Variants in TEN1 observed in about 807,000 individuals in gnomAD.
TEN1 encodes CST complex subunit TEN1.
A neutral mutation model predicts 9.3 loss-of-function variants in TEN1; 6 were observed. That is an observed-to-expected ratio of 0.65 (90% confidence interval 0.35 to 1.27). The LOEUF (loss-of-function observed/expected upper bound fraction) is 1.27, where lower values mean the gene tolerates loss of function less well. Among genes scored for constraint, TEN1 ranks in the 50% most tolerant of loss-of-function variants. The pLI is 0.03. For missense variants in TEN1, 149 were observed against 158.2 expected, an observed-to-expected ratio of 0.94 and a Z score of 0.31; for synonymous variants, 65 against 65.6, an observed-to-expected ratio of 0.99 and a Z score of 0.04.
intron 3 of TEN1, among the ~76,000 whole-genome samples, chr17:75,992,097 A>G (rs907364688): frequency 4.0e-5 from 6 of 150,894 alleles, no homozygotes; most frequent in African/African-American, 9.8e-5. Context: ...ACAATCCCCC[A>G]TGGGGAAGTG....
chr17:76,000,332 A>G lies in TEN1; in HGVS notation c.*70A>G. 1.3e-6 allele frequency: 2 copies of G among 1,500,040 alleles called. No homozygotes were observed. The highest frequency in any genetic ancestry group is 2.6e-5 in the South Asian group (2 of 77,918). 92.9% of individuals were successfully genotyped at this position (1,500,040 alleles called of 1,614,324 possible). ...CCCTCTGGAGCTGCAGGAGCCCGGG[A>G]GAGCACAGACGCCTCCCCAGCGACG... On this transcript the variant is annotated 3_prime_UTR_variant, in exon 4 of 4. Coordinates refer to ENST00000397640, the MANE Select transcript of TEN1 (RefSeq NM_001113324.3). This position sits in a 1 kb window ranked among gnomAD's most constrained non-coding sequence, Gnocchi z 5.9.
At chr17:75,999,009 T>C (rs1488641365) in intron 3 of TEN1, among the ~76,000 whole-genome samples, 1 of 152,086 alleles carries the variant, frequency 6.6e-6, no homozygotes, top group African/African-American at 2.4e-5. Context: ...TTTTTAACTT[T>C]TTTTTTTCTC....
At chr17:75,985,869 C>CA (rs199681028) in intron 1 of TEN1, among the ~76,000 whole-genome samples, 5,331 of 108,178 alleles carry the variant, frequency 0.049, 151 homozygotes, top group East Asian at 0.15. Context: ...TATATTATAT[C>CA]AAAAAAATTT....
chr17:75,992,338 C>G (rs2066191215), intron 3 of TEN1, among the ~76,000 whole-genome samples: 1 of 151,478 alleles, frequency 6.6e-6, no homozygotes, highest in Admixed American at 6.6e-5. Context: ...TCATGAGGCT[C>G]CCACCTCAGC....
intron 1 of TEN1, among the ~76,000 whole-genome samples, chr17:75,981,600 T>TTG (rs928261291): frequency 4.0e-5 from 6 of 151,570 alleles, no homozygotes; most frequent in African/African-American, 1.4e-4. Context: ...CAAGTTGTTT[T>TTG]TTTTTTTTTT....
intron 3 of TEN1, among the ~76,000 whole-genome samples, chr17:75,995,708 C>A (rs1026837999): frequency 6.6e-6 from 1 of 152,182 alleles, no homozygotes; most frequent in Non-Finnish European, 1.5e-5. Flanking sequence ...GGGCACTGGA[C>A]CACAGCAAAC....
intron 2 of TEN1, 34 bp downstream of exon 2, chr17:75,986,318 G>T: frequency 6.7e-7 from 1 of 1,498,956 alleles, no homozygotes. Context: ...TGGTGGGGGT[G>T]ATGATATGTT....
rs74844461 is a variant in TEN1 at position 75,986,292 on chromosome 17, C to T, written c.92+8C>T. On this transcript the variant is annotated splice_region_variant and intron_variant, in intron 2 of 3. Transcript: ENST00000397640. Reference sequence around the variant, plus strand: ...GCTGAGAACATTTGGCAGGTGAGAACGGTTATTTTTTTCACTGGTGGGGGT... The same window carrying T: ...GCTGAGAACATTTGGCAGGTGAGAATGGTTATTTTTTTCACTGGTGGGGGT... 5,782 of 1,542,108 alleles carry T rather than the reference C, an allele frequency of 3.7e-3. 24 individuals are homozygous for T. Among genetic ancestry groups the T allele is most frequent in the African/African-American group, 0.016 (1,185 of 72,640 alleles).
intron 1 of TEN1, among the ~76,000 whole-genome samples, chr17:75,981,919 C>T (rs753675531): frequency 6.6e-6 from 1 of 152,002 alleles, no homozygotes; most frequent in Non-Finnish European, 1.5e-5. Context: ...CCCGGCTACT[C>T]GGGAGTCTGA....
At chr17:75,980,112 G>GT (rs2066106033) in intron 1 of TEN1, among the ~76,000 whole-genome samples, 3 of 152,106 alleles carry the variant, frequency 2.0e-5, no homozygotes, top group South Asian at 4.1e-4. Flanking sequence ...CGAGGCGGGC[G>GT]TATCACTTGA....
At chr17:75,990,969 G>T (rs2066180792) in intron 2 of TEN1, among the ~76,000 whole-genome samples, 1 of 151,390 alleles carries the variant, frequency 6.6e-6, no homozygotes, top group Admixed American at 6.6e-5. Context: ...GGACAATATG[G>T]TAAAACCCCT....
chr17:75,989,122 C>T (rs138332531), intron 2 of TEN1, among the ~76,000 whole-genome samples: 8,563 of 149,764 alleles, frequency 0.057, 249 homozygotes, highest in Non-Finnish European at 0.062. Context: ...TTTTTTGAGA[C>T]AGAGCCTTGC....
At chr17:75,981,273 G>T (rs1344484419) in intron 1 of TEN1, among the ~76,000 whole-genome samples, 1 of 151,432 alleles carries the variant, frequency 6.6e-6, no homozygotes, top group Non-Finnish European at 1.5e-5. Context: ...TGCAACCTCC[G>T]CCTCCTGGGT....
At position 76,000,350 on chromosome 17, in the gene TEN1, C is replaced by T; in HGVS notation, c.*88C>T. ...GCCCGGGAGAGCACAGACGCCTCCC[C>T]AGCGACGGCCTTGTCTGGAGCTCGA... On this transcript the variant is annotated 3_prime_UTR_variant, in exon 4 of 4. Coordinates refer to ENST00000397640, the MANE Select transcript of TEN1 (RefSeq NM_001113324.3). This position sits in a 1 kb window ranked among gnomAD's most constrained non-coding sequence, Gnocchi z 5.9. 1 of 1,447,890 alleles carries T rather than the reference C, an allele frequency of 6.9e-7. No homozygotes were observed. Among genetic ancestry groups the T allele is most frequent in the Non-Finnish European group, 9.2e-7 (1 of 1,091,404 alleles). The allele number at this position is 1,447,890 out of a possible 1,614,324, so 89.7% of individuals were successfully genotyped here.
chr17:75,998,773 G>C (rs866304146), intron 3 of TEN1, among the ~76,000 whole-genome samples: 13 of 151,594 alleles, frequency 8.6e-5, no homozygotes, highest in African/African-American at 3.2e-4. Context: ...TCACTGCAAC[G>C]TCTGCCTCCC....
chr17:75,995,519 C>T (rs2066213239), intron 3 of TEN1, among the ~76,000 whole-genome samples: 1 of 152,190 alleles, frequency 6.6e-6, no homozygotes, highest in South Asian at 2.1e-4. Context: ...AAATGTTTGC[C>T]TAAGAGCTAG....
chr17:75,995,612 G>A (rs1371771902), intron 3 of TEN1, among the ~76,000 whole-genome samples: 4 of 152,290 alleles, frequency 2.6e-5, no homozygotes, highest in African/African-American at 7.2e-5. Context: ...CCAAAGGCCC[G>A]AGGGCCCCCT....
chr17:76,000,343 G>C lies in TEN1; in HGVS notation c.*81G>C. ...TGCAGGAGCCCGGGAGAGCACAGAC[G>C]CCTCCCCAGCGACGGCCTTGTCTGG... is the stretch of plus-strand genomic sequence containing the variant. On this transcript the variant is annotated 3_prime_UTR_variant, in exon 4 of 4. Transcript: ENST00000397640. This position sits in a 1 kb window ranked among gnomAD's most constrained non-coding sequence, Gnocchi z 5.9. The C allele has an allele frequency of 1.4e-6, 2 of 1,463,270 alleles. No homozygotes were observed. Among genetic ancestry groups the C allele is most frequent in the Non-Finnish European group, 1.8e-6 (2 of 1,099,712 alleles). The allele number at this position is 1,463,270 out of a possible 1,614,324, so 90.6% of individuals were successfully genotyped here.
rs1275632171 is a variant in TEN1, at chr17:76,000,282, A to G, written c.*20A>G. 1 of 1,546,932 alleles carries G rather than the reference A, an allele frequency of 6.5e-7. No homozygotes were observed. Among genetic ancestry groups the G allele is most frequent in the African/African-American group, 1.4e-5 (1 of 73,044 alleles). ...CAGTAGGAAACAGCAGCCTAGCAAC[A>G]CCCTCACCTGCTTCAGAGCCCGAAC... On this transcript the variant is annotated 3_prime_UTR_variant, in exon 4 of 4. Transcript: ENST00000397640. The surrounding 1 kb of genome is among the most constrained non-coding windows in gnomAD (Gnocchi z 5.9).
Sources: gnomAD v4.1 joint callset for allele counts (sites outside exome capture counted in the v4.1 genomes callset) on GRCh38, gnomAD v4.1.1 for gene constraint, Gnocchi (gnomAD v3.1) non-coding constraint, MANE v1.5 for transcripts, NCBI Gene and HGNC (gene_info 2026-07-23, HGNC 2026-07-21) for gene names.